DOCK1: variants seen among roughly 807,000 people sequenced by gnomAD.
DOCK1 encodes dedicator of cytokinesis 1.
DOCK1 carries 138 observed loss-of-function variants against 262.7 expected under a neutral mutation model. That is an observed-to-expected ratio of 0.53 (90% CI 0.46 to 0.61). The LOEUF (loss-of-function observed/expected upper bound fraction) is 0.61. Ranked by LOEUF, DOCK1 falls within the 20% of genes least tolerant of loss-of-function variation. The pLI is 0.00. For synonymous variants in DOCK1, 866 were observed against 867.4 expected (o/e 1.00, Z 0.03); for missense variants, 1,908 against 2,370.7 (o/e 0.80, Z 4.05).
intron 1 of DOCK1, among the ~76,000 whole-genome samples, chr10:126,968,157 A>T (rs938759448): frequency 6.6e-6 from 1 of 152,124 alleles, no homozygotes; most frequent in Non-Finnish European, 1.5e-5. Context: ...TCACCCTCGC[A>T]GTGCCCCTGT....
chr10:127,382,095 A>G (rs1377032546), intron 37 of DOCK1, among the ~76,000 whole-genome samples: 2 of 152,214 alleles, frequency 1.3e-5, no homozygotes. Context: ...TTGAAAAATT[A>G]TGAACTGGAT....
chr10:127,306,311 G>A (rs564241802), intron 29 of DOCK1, among the ~76,000 whole-genome samples: 1 of 152,036 alleles, frequency 6.6e-6, no homozygotes, highest in Non-Finnish European at 1.5e-5. Flanking sequence ...CACCGTGACC[G>A]GCCCATTTTA....
At chr10:127,324,823 G>C (rs1190836849) in intron 29 of DOCK1, among the ~76,000 whole-genome samples, 1 of 152,172 alleles carries the variant, frequency 6.6e-6, no homozygotes, top group East Asian at 1.9e-4. Context: ...CCTGTCATTT[G>C]AGGTGCTCTG....
intron 29 of DOCK1, among the ~76,000 whole-genome samples, chr10:127,324,839 G>C (rs558759675): frequency 6.6e-6 from 1 of 152,314 alleles, no homozygotes; most frequent in South Asian, 2.1e-4. Context: ...CTCTGCCTGA[G>C]CCTTGATAAA....
chr10:127,246,562 C>T (rs191848318), intron 27 of DOCK1, among the ~76,000 whole-genome samples: 35 of 152,212 alleles, frequency 2.3e-4, no homozygotes, highest in Non-Finnish European at 4.1e-4. Context: ...TAGCTGTTTC[C>T]CTGAACACCA....
intron 29 of DOCK1, among the ~76,000 whole-genome samples, chr10:127,286,138 G>A (rs1333131109): frequency 6.6e-6 from 1 of 152,010 alleles, no homozygotes; most frequent in Non-Finnish European, 1.5e-5. Context: ...TTCATTTCCA[G>A]GAAAAGTAAA....
chr10:127,052,927 T>A, intron 22 of DOCK1, 112 bp downstream of exon 22: 1 of 1,462,708 alleles, frequency 6.8e-7, no homozygotes, highest in East Asian at 2.5e-5. Flanking sequence ...TCTTCCCCCT[T>A]TTTCCCCCTT....
chr10:127,115,207 T>C (rs905716440), intron 25 of DOCK1, among the ~76,000 whole-genome samples: 11 of 152,176 alleles, frequency 7.2e-5, no homozygotes, highest in African/African-American at 2.7e-4. Flanking sequence ...GAGGAGCTGA[T>C]CCCCATGCTG....
chr10:127,287,068 C>T (rs930343070), intron 29 of DOCK1, among the ~76,000 whole-genome samples: 6 of 151,900 alleles, frequency 3.9e-5, no homozygotes, highest in African/African-American at 1.2e-4. Context: ...CCACCAAGCC[C>T]AGCTAATTTT....
Position 127,013,909 on chromosome 10 carries a change from C to T in DOCK1, c.1201+1535C>T, listed in dbSNP as rs533347757. Reference sequence around the variant, plus strand: ...GAGGGCAGCCACACAGATCGGCCGCCGGGACTGCAGGGCGCTGCCCACCGG... The same window carrying T: ...GAGGGCAGCCACACAGATCGGCCGCTGGGACTGCAGGGCGCTGCCCACCGG... On this transcript the variant is annotated intron_variant, in intron 12 of 51. Transcript: ENST00000623213. 3.1e-3 allele frequency among the ~76,000 whole-genome samples: 473 copies of T among 152,298 alleles called. 1 individual carries two copies. Among genetic ancestry groups the T allele is most frequent in the African/African-American group, 0.01 (421 of 41,566 alleles).
intron 18 of DOCK1, among the ~76,000 whole-genome samples, chr10:127,034,479 A>G (rs921932528): frequency 5.3e-5 from 8 of 152,176 alleles, no homozygotes; most frequent in Non-Finnish European, 1.2e-4. Context: ...CTGGGTGTGG[A>G]CATAGCCAAA....
rs1185208689 is a variant in DOCK1, at chr10:127,032,140, G to A, written c.1732G>A (p.Glu578Lys). 1.9e-6 allele frequency: 3 copies of A among 1,587,054 alleles called. No individual in the cohort carries two copies. Among genetic ancestry groups the A allele is most frequent in the Admixed American group, 3.6e-5 (2 of 55,948 alleles). Residue 578 changes from glutamate (E) to lysine (K), a missense_variant, in exon 18 of 52, where the codon GAA becomes AAA. Glu to Lys is a moderately conservative substitution (Grantham distance 56). Around this residue, in one of 9 missense-constraint regions of DOCK1, gnomAD observed 294 missense variants for 439.9 expected, o/e 0.67. Transcript: ENST00000623213. ...GEHDLIVYKA[E>K]AKKLEDAATY... ...TACGGCATGACTAAATCCACAGGCC[G>A]AAGCAAAGAAGCTGGAAGATGCTGC...
chr10:127,017,979 G>A (rs1171171093), intron 12 of DOCK1, among the ~76,000 whole-genome samples: 2 of 152,082 alleles, frequency 1.3e-5, no homozygotes, highest in East Asian at 3.9e-4. Flanking sequence ...CGCACATCCC[G>A]CACACACGCC....
chr10:127,346,144 C>G (rs779807493), intron 31 of DOCK1, among the ~76,000 whole-genome samples: 2 of 152,174 alleles, frequency 1.3e-5, no homozygotes, highest in Non-Finnish European at 2.9e-5. Context: ...GAGATGCCTG[C>G]GGGAGAAGAG....
At chr10:127,406,446 C>T (rs771905890) in intron 40 of DOCK1, among the ~76,000 whole-genome samples, 102 of 152,244 alleles carry the variant, frequency 6.7e-4, no homozygotes, top group Non-Finnish European at 1.1e-3. Flanking sequence ...CTGACTTTCC[C>T]GCCACACCTG....
intron 38 of DOCK1, among the ~76,000 whole-genome samples, chr10:127,402,466 C>A (rs1046516319): frequency 6.6e-6 from 1 of 152,196 alleles, no homozygotes; most frequent in African/African-American, 2.4e-5. Flanking sequence ...AAGTTACTTA[C>A]CTTACAAAGT....
At chr10:127,363,014 C>CAT (rs2064667146) in intron 33 of DOCK1, among the ~76,000 whole-genome samples, 1 of 16,036 alleles carries the variant, frequency 6.2e-5, no homozygotes, top group Admixed American at 7.1e-4. Context: ...CGCACATCCC[C>CAT]ACACACACAC....
At chr10:126,963,941 G>C (rs969307851) in intron 1 of DOCK1, among the ~76,000 whole-genome samples, 1 of 152,030 alleles carries the variant, frequency 6.6e-6, no homozygotes, top group Admixed American at 6.6e-5. Context: ...TGGTGATGGC[G>C]TGGCTGCCAG....
chr10:127,168,373 C>T (rs1316395108), intron 27 of DOCK1, among the ~76,000 whole-genome samples: 1 of 152,206 alleles, frequency 6.6e-6, no homozygotes, highest in East Asian at 1.9e-4. Context: ...AGTGCTAAGG[C>T]ACAGGAGAGC....
Sources: allele counts gnomAD v4.1 joint callset (sites outside exome capture counted in the v4.1 genomes callset), GRCh38; gene constraint gnomAD v4.1.1; regional missense constraint gnomAD v4.1.1; transcripts MANE v1.5; gene names NCBI Gene and HGNC (gene_info 2026-07-23, HGNC 2026-07-21).